Variants in WDR4 observed in about 807,000 individuals in gnomAD.
WDR4 encodes the protein WDR4 tRNA N7-guanosine methyltransferase non-catalytic subunit.
A neutral mutation model predicts 48.6 loss-of-function variants in WDR4; 47 were observed. That is an observed-to-expected ratio of 0.97 (90% CI 0.77 to 1.23). The LOEUF (loss-of-function observed/expected upper bound fraction) is 1.23. Ranked by LOEUF, WDR4 falls within the 50% of genes most tolerant of loss-of-function variation. The pLI is 0.00. For synonymous variants in WDR4, 268 were observed against 230.0 expected, an observed-to-expected ratio of 1.17 and a Z score of -1.49; for missense variants, 606 against 551.6, an observed-to-expected ratio of 1.10 and a Z score of -0.99.
chr21:42,853,790 C>T (rs1470708523), intron 8 of WDR4, 38 bp from the exon 9 acceptor site: 3 of 1,530,214 alleles, frequency 2.0e-6, no homozygotes, highest in Non-Finnish European at 1.8e-6. Flanking sequence ...ACTAGGACTG[C>T]AGGCCCACGG....
upstream of WDR4, chr21:42,880,002 C>T (rs372730882): frequency 2.2e-4 from 84 of 382,436 alleles, no homozygotes; most frequent in Middle Eastern, 2.6e-3. Flanking sequence ...TGGTGGCGTG[C>T]GACTGTAGCC....
intron 3 of WDR4, among the ~76,000 whole-genome samples, chr21:42,869,786 G>T (rs1254268730): frequency 6.6e-6 from 1 of 152,124 alleles, no homozygotes; most frequent in Non-Finnish European, 1.5e-5. Context: ...GATGTGGGTG[G>T]ATCACCTGAG....
intron 2 of WDR4, among the ~76,000 whole-genome samples, chr21:42,876,214 T>C (rs9975181): frequency 0.19 from 25,149 of 133,300 alleles, 3,452 homozygotes; most frequent in African/African-American, 0.39. Flanking sequence ...ACTAACACTG[T>C]ACTCTTTTTT....
At chr21:42,868,029 G>A (rs1047996518) in intron 3 of WDR4, among the ~76,000 whole-genome samples, 3 of 152,058 alleles carry the variant, frequency 2.0e-5, no homozygotes, top group Admixed American at 6.5e-5. Flanking sequence ...CATCCACCAC[G>A]AGTCCCAACT....
Position 42,867,997 on chromosome 21 carries a change from G to A in WDR4, c.297-4401C>T, listed in dbSNP as rs559900026. 7.9e-5 allele frequency among the ~76,000 whole-genome samples: 12 copies of A among 152,122 alleles called. No individual in the cohort carries two copies. In the South Asian group the frequency reaches 1.7e-3, roughly 21 times the overall value. ...CCAAGGATGAAGAGGCCCCCCACCC[G>A]CCCAGCCTGCAGCGGTATCTGCATC... On this transcript the variant is annotated intron_variant, in intron 3 of 10. Coordinates refer to ENST00000398208, the MANE Select transcript of WDR4 (RefSeq NM_018669.6).
the WDR4 span, among the ~76,000 whole-genome samples, chr21:42,885,951 C>G: frequency 6.9e-6 from 1 of 145,104 alleles, no homozygotes; most frequent in Non-Finnish European, 1.5e-5. Flanking sequence ...CCCACCTCAG[C>G]ATAGATTTTT....
the WDR4 span, among the ~76,000 whole-genome samples, chr21:42,888,719 G>A: frequency 2.3e-5 from 3 of 129,960 alleles, no homozygotes; most frequent in African/African-American, 5.8e-5. Flanking sequence ...TTTTTTTTTA[G>A]AGACAGAGTC....
At chr21:42,855,538 G>T in intron 7 of WDR4, 144 bp downstream of exon 7, 1 of 621,126 alleles carries the variant, frequency 1.6e-6, no homozygotes, top group South Asian at 2.3e-5. Flanking sequence ...TTCAGAATTT[G>T]AAATACGAGA....
At chr21:42,858,058 C>A (rs1453353734) in intron 6 of WDR4, among the ~76,000 whole-genome samples, 1 of 152,064 alleles carries the variant, frequency 6.6e-6, no homozygotes, top group African/African-American at 2.4e-5. Flanking sequence ...CGCCACTGCA[C>A]TCCAGACTGG....
At chr21:42,857,131 C>A (rs1384902122) in intron 6 of WDR4, among the ~76,000 whole-genome samples, 4 of 152,082 alleles carry the variant, frequency 2.6e-5, no homozygotes, top group African/African-American at 9.7e-5. Context: ...GAAACGGGAC[C>A]TCCCTGATGC....
downstream of WDR4, among the ~76,000 whole-genome samples, chr21:42,845,329 C>G (rs1830418613): frequency 6.6e-6 from 1 of 152,212 alleles, no homozygotes; most frequent in South Asian, 2.1e-4. Flanking sequence ...CAAGGGAAAT[C>G]AGAAAGTAAA....
At chr21:42,886,384 AT>A in the WDR4 span, among the ~76,000 whole-genome samples, 1 of 88,220 alleles carries the variant, frequency 1.1e-5, no homozygotes, top group African/African-American at 8.4e-5. Context: ...TTTAAATTTT[AT>A]TTTTAGCAAA....
intron 3 of WDR4, among the ~76,000 whole-genome samples, chr21:42,865,523 C>T (rs2058227283): frequency 6.6e-6 from 1 of 152,156 alleles, no homozygotes; most frequent in African/African-American, 2.4e-5. Flanking sequence ...GAGGGCACTG[C>T]TCCGCGTCCC....
intron 6 of WDR4, among the ~76,000 whole-genome samples, chr21:42,856,339 C>T (rs1434329724): frequency 6.6e-6 from 1 of 152,216 alleles, no homozygotes; most frequent in Non-Finnish European, 1.5e-5. Context: ...CGCTCTAAAA[C>T]CATCATCAAT....
intron 9 of WDR4, 147 bp downstream of exon 9, chr21:42,853,422 T>C: frequency 1.0e-6 from 1 of 961,606 alleles, no homozygotes; most frequent in East Asian, 2.7e-5. Context: ...CCCCAGCCAC[T>C]GCCATTCAGG....
At chr21:42,856,189 G>A (rs991336800) in intron 6 of WDR4, among the ~76,000 whole-genome samples, 2 of 152,166 alleles carry the variant, frequency 1.3e-5, no homozygotes, top group African/African-American at 4.8e-5. Context: ...ATTCCCACGG[G>A]GAGACACGTG....
chr21:42,851,319 C>A (rs1217539110), intron 10 of WDR4, among the ~76,000 whole-genome samples: 2 of 152,212 alleles, frequency 1.3e-5, no homozygotes, highest in East Asian at 1.9e-4. Context: ...CAACCCTGCC[C>A]GTCTCAACCC....
At chr21:42,844,135 G>T (rs1350690349) in intron 11 of WDR4, among the ~76,000 whole-genome samples, 1 of 152,136 alleles carries the variant, frequency 6.6e-6, no homozygotes, top group East Asian at 1.9e-4. Flanking sequence ...AAAATGAAAC[G>T]CAAACTGAAG....
chr21:42,848,803 CCT>C (rs2057741277), downstream of WDR4, among the ~76,000 whole-genome samples: 1 of 63,934 alleles, frequency 1.6e-5, no homozygotes, highest in South Asian at 6.0e-4. Flanking sequence ...GCGGCGCGCA[CCT>C]CACACAGCAC....
Sources: allele counts gnomAD v4.1 joint callset (sites outside exome capture counted in the v4.1 genomes callset), GRCh38; gene constraint gnomAD v4.1.1; transcripts MANE v1.5; gene names NCBI Gene and HGNC (gene_info 2026-07-23, HGNC 2026-07-21).